The following PTPRK variants were observed in gnomAD, a reference collection of about 807,000 sequenced individuals.
The protein encoded by PTPRK is receptor-type tyrosine-protein phosphatase kappa.
In PTPRK, 75 loss-of-function variants were observed where a neutral mutation model predicts 178.0. The ratio of observed to expected loss-of-function variants is 0.42; its 90% confidence interval spans 0.35 to 0.51. The LOEUF (loss-of-function observed/expected upper bound fraction) is 0.51. Among genes scored for constraint, PTPRK ranks in the 20% least tolerant of loss-of-function variants. PTPRK has a pLI of 0.02. For synonymous variants in PTPRK, 637 were observed against 620.6 expected (o/e 1.03, Z -0.39); for missense variants, 1,441 against 1,797.8 (o/e 0.80, Z 3.59).
chr6:128,405,881 G>C (rs920354516), intron 1 of PTPRK, among the ~76,000 whole-genome samples: 1 of 152,034 alleles, frequency 6.6e-6, no homozygotes, highest in Non-Finnish European at 1.5e-5. Flanking sequence ...GGAAATTTAA[G>C]TATACTCAAC....
At chr6:128,167,232 T>C (rs1221129511) in intron 7 of PTPRK, among the ~76,000 whole-genome samples, 1 of 151,878 alleles carries the variant, frequency 6.6e-6, no homozygotes, top group Non-Finnish European at 1.5e-5. Context: ...AATCCAATTT[T>C]AATAGTTAAG....
At chr6:128,332,690 A>G (rs192261912) in intron 2 of PTPRK, among the ~76,000 whole-genome samples, 3 of 152,318 alleles carry the variant, frequency 2.0e-5, no homozygotes, top group East Asian at 3.9e-4. Context: ...CTTAACCTTC[A>G]TAACCTTTCT....
intron 11 of PTPRK, among the ~76,000 whole-genome samples, chr6:128,076,404 T>G (rs4479962): frequency 0.82 from 124,400 of 151,854 alleles, 51,162 homozygotes; most frequent in East Asian, 0.99. Context: ...GACTAGACCA[T>G]TCTGGTCCCA....
chr6:128,219,293 A>G (rs1809961259), intron 5 of PTPRK, among the ~76,000 whole-genome samples, 197 bp from the exon 6 acceptor site: 1 of 152,182 alleles, frequency 6.6e-6, no homozygotes, highest in African/African-American at 2.4e-5. Flanking sequence ...TTTCGGCACA[A>G]AAGACCAGTT....
chr6:128,413,838 A>G (rs1032545906), intron 1 of PTPRK, among the ~76,000 whole-genome samples: 7 of 152,124 alleles, frequency 4.6e-5, no homozygotes, highest in Admixed American at 6.5e-5. Context: ...ACTTTTCAAA[A>G]CATGGTTTTA....
At chr6:128,116,550 T>C (rs1047027457) in intron 7 of PTPRK, among the ~76,000 whole-genome samples, 8 of 152,180 alleles carry the variant, frequency 5.3e-5, no homozygotes, top group Admixed American at 3.3e-4. Context: ...GAGACAAGAA[T>C]CCAAAGCTTG....
At chr6:128,218,466 T>A (rs1391358925) in intron 6 of PTPRK, among the ~76,000 whole-genome samples, 2 of 152,224 alleles carry the variant, frequency 1.3e-5, no homozygotes, top group East Asian at 3.8e-4. Context: ...ATAAGAGACA[T>A]GCATCAGTGA....
intron 1 of PTPRK, among the ~76,000 whole-genome samples, chr6:128,490,388 C>G (rs1386662315): frequency 6.6e-6 from 1 of 152,166 alleles, no homozygotes; most frequent in Non-Finnish European, 1.5e-5. Flanking sequence ...GCAGATGCAT[C>G]ATTCCTACAT....
intron 2 of PTPRK, among the ~76,000 whole-genome samples, chr6:128,384,724 G>A (rs866912496): frequency 3.9e-5 from 6 of 151,964 alleles, no homozygotes; most frequent in Admixed American, 1.3e-4. Flanking sequence ...CAAGGCAATC[G>A]TGAAATAAAT....
intron 10 of PTPRK, among the ~76,000 whole-genome samples, chr6:128,080,213 G>A (rs1784571338): frequency 6.6e-6 from 1 of 152,016 alleles, no homozygotes; most frequent in East Asian, 1.9e-4. Context: ...GGCATGGTAC[G>A]TTTTAACAGC....
At chr6:128,223,392 C>T (rs1453125808) in intron 5 of PTPRK, among the ~76,000 whole-genome samples, 1 of 151,696 alleles carries the variant, frequency 6.6e-6, no homozygotes, top group African/African-American at 2.4e-5. Context: ...TCACTGACAC[C>T]AAGCTATTTC....
intron 1 of PTPRK, among the ~76,000 whole-genome samples, chr6:128,505,262 A>G (rs1255489555): frequency 1.3e-5 from 2 of 150,886 alleles, no homozygotes; most frequent in Non-Finnish European, 3.0e-5. Context: ...ACCAACAGGA[A>G]GAAACCCCAT....
chr6:128,097,496 G>C (rs985836193), intron 7 of PTPRK, among the ~76,000 whole-genome samples: 6 of 152,122 alleles, frequency 3.9e-5, no homozygotes, highest in Admixed American at 6.6e-5. Context: ...TGGAAAAAAA[G>C]GCAAAGATAA....
At chr6:128,335,287 C>T (rs1830764800) in intron 2 of PTPRK, among the ~76,000 whole-genome samples, 1 of 152,072 alleles carries the variant, frequency 6.6e-6, no homozygotes, top group South Asian at 2.1e-4. Flanking sequence ...GCAAGGATTA[C>T]GGAAGTGGGA....
chr6:128,419,545 C>G (rs1297262769), intron 1 of PTPRK, among the ~76,000 whole-genome samples: 1 of 151,370 alleles, frequency 6.6e-6, no homozygotes, highest in Non-Finnish European at 1.5e-5. Context: ...GGAGGCGGAG[C>G]TTGCAGTGAG....
At chr6:128,443,414 A>AGGAAAGG (rs1411802117) in intron 1 of PTPRK, among the ~76,000 whole-genome samples, 2 of 152,114 alleles carry the variant, frequency 1.3e-5, no homozygotes, top group African/African-American at 4.8e-5. Context: ...GAAAGAAGAG[A>AGGAAAGG]GGAAAGGGGA....
intron 7 of PTPRK, among the ~76,000 whole-genome samples, chr6:128,156,833 A>G (rs1798021938): frequency 6.6e-6 from 1 of 151,988 alleles, no homozygotes; most frequent in African/African-American, 2.4e-5. Context: ...ATGTATATAT[A>G]CATGCATGTC....
At chr6:128,175,708 T>A (rs1800960707) in intron 7 of PTPRK, among the ~76,000 whole-genome samples, 1 of 151,798 alleles carries the variant, frequency 6.6e-6, no homozygotes, top group Non-Finnish European at 1.5e-5. Flanking sequence ...TCTAAAATAA[T>A]GAGTTTTTTT....
chr6:128,208,147 A>G (rs1807314008), intron 6 of PTPRK, among the ~76,000 whole-genome samples: 1 of 152,036 alleles, frequency 6.6e-6, no homozygotes, highest in African/African-American at 2.4e-5. Flanking sequence ...GTACACAGAA[A>G]TGCCAAATTG....
Sources: gnomAD v4.1 joint callset for allele counts (sites outside exome capture counted in the v4.1 genomes callset) on GRCh38, gnomAD v4.1.1 for gene constraint, MANE v1.5 for transcripts, NCBI Gene and HGNC (gene_info 2026-07-23, HGNC 2026-07-21) for gene names.